The following CCNT1 variants were observed in gnomAD, a reference collection of about 807,000 sequenced individuals.
CCNT1 encodes the protein cyclin-T1.
A neutral mutation model predicts 67.3 loss-of-function variants in CCNT1; 18 were observed. The ratio of observed to expected loss-of-function variants is 0.27; its 90% confidence interval spans 0.18 to 0.40. The LOEUF (loss-of-function observed/expected upper bound fraction) is 0.40. CCNT1 is among the 10% of genes least tolerant of loss of function. The pLI is 1.00. For synonymous variants in CCNT1, 333 were observed against 310.3 expected (o/e 1.07, Z -0.77); for missense variants, 744 against 884.9 (o/e 0.84, Z 2.02).
rs1176141227 is a variant in CCNT1, at chr12:48,694,091, G to A, written c.1123C>T (p.Gln375Ter). Reference protein sequence around the residue: ...PQDGSNAFISQKQNSKSVPSA... With the variant: ...PQDGSNAFIS The stretch of plus-strand genomic sequence containing the variant: ...GGCACACTCTTACTATTCTGCTTCT[G>A]GGAAATAAATGCATTTGAACCATCC... Residue 375 changes from glutamine to a stop codon, truncating the protein, a stop_gained, in exon 9 of 9, where the codon CAG (glutamine) becomes TAG (stop). Transcript: ENST00000261900. LOFTEE classifies it high-confidence loss of function. The A allele has an allele frequency of 6.2e-7, 1 of 1,614,168 alleles. No individual in the cohort carries two copies. Among genetic ancestry groups the A allele is most frequent in the Non-Finnish European group, 8.5e-7 (1 of 1,180,010 alleles).
At chr12:48,712,271 A>T (rs1940463107) in intron 2 of CCNT1, among the ~76,000 whole-genome samples, 1 of 152,038 alleles carries the variant, frequency 6.6e-6, no homozygotes, top group South Asian at 2.1e-4. Context: ...CGAAATAAGC[A>T]TCCTCAAAAG....
chr12:48,701,998 G>GC (rs1940278671), intron 3 of CCNT1, among the ~76,000 whole-genome samples: 1 of 149,870 alleles, frequency 6.7e-6, no homozygotes, highest in African/African-American at 2.5e-5. Context: ...CCAGGTTCAA[G>GC]CGATTCTCCT....
chr12:48,696,176 G>T lies in CCNT1; in HGVS notation c.543-14C>A. On this transcript the variant is annotated splice_polypyrimidine_tract_variant and intron_variant, in intron 6 of 8. Transcript: ENST00000261900. The stretch of plus-strand genomic sequence containing the variant: ...GTCAAATGCAGGCTGACATCAGAGG[G>T]AAGAAAACAGAGAGTGTCATGAGCT... 1 of 1,524,566 alleles carries T rather than the reference G, an allele frequency of 6.6e-7. No individual in the cohort carries two copies. The highest frequency in any genetic ancestry group is 8.9e-7 in the Non-Finnish European group (1 of 1,126,496). The allele number at this position is 1,524,566 out of a possible 1,614,324, so 94.4% of individuals were successfully genotyped here.
Position 48,714,442 on chromosome 12 carries a change from C to T in CCNT1, c.243+1G>A. ...ATATCATATAAAAAAATTATACTTA[C>T]ATTTCCAGGGAACTGTGTGAAGGAC... On this transcript the variant is annotated splice_donor_variant, in intron 2 of 8. Transcript: ENST00000261900. LOFTEE classifies it high-confidence loss of function. 1 of 1,568,562 alleles carries T rather than the reference C, an allele frequency of 6.4e-7. No homozygotes were observed. The highest frequency in any genetic ancestry group is 8.8e-7 in the Non-Finnish European group (1 of 1,138,962).
intron 2 of CCNT1, among the ~76,000 whole-genome samples, chr12:48,707,365 C>T (rs1488365353): frequency 2.0e-5 from 3 of 151,244 alleles, no homozygotes; most frequent in African/African-American, 7.3e-5. Flanking sequence ...CACAGTTCCA[C>T]TCAACCTCCT....
chr12:48,709,935 AGCTGGAGTGCAACG>A (rs764622824), intron 2 of CCNT1, among the ~76,000 whole-genome samples: 2 of 151,576 alleles, frequency 1.3e-5, no homozygotes, highest in Non-Finnish European at 2.9e-5. Context: ...CTGTCACCCA[AGCTGGAGTGCAACG>A]GCACGATCTC....
At chr12:48,695,910 C>T in intron 7 of CCNT1, 81 bp from the exon 8 acceptor site, 1 of 1,515,756 alleles carries the variant, frequency 6.6e-7, no homozygotes, top group Admixed American at 1.7e-5. Flanking sequence ...TACTAACTAA[C>T]TATTTTCATC....
intron 3 of CCNT1, among the ~76,000 whole-genome samples, chr12:48,701,714 C>A (rs1390315186): frequency 6.6e-6 from 1 of 151,534 alleles, no homozygotes; most frequent in Non-Finnish European, 1.5e-5. Flanking sequence ...TCAAACAATT[C>A]TCCTGCCTCA....
In CCNT1 at chr12:48,690,210, C is replaced by A. The variant is rs761316939; in HGVS notation, c.*2823G>T. On this transcript the variant is annotated 3_prime_UTR_variant, in exon 9 of 9. Transcript: ENST00000261900. ...CCACAGGTATTTGTTTTTGCCAACA[C>A]GAGTCTAGCAAAATTTTAGGAATGA... 2.0e-5 allele frequency: 3 copies of A among 152,170 alleles called. No homozygotes were observed. Among genetic ancestry groups the A allele is most frequent in the Admixed American group, 2.0e-4 (3 of 15,280 alleles). 9.4% of individuals were successfully genotyped at this position (152,170 alleles called of 1,614,324 possible). A position where few individuals can be genotyped will look rare whatever the true frequency, so the allele number is the denominator to read the frequency against.
rs1232737818 is a variant in CCNT1, at chr12:48,714,532, G to A, written c.162-8C>T. On this transcript the variant is annotated splice_region_variant and splice_polypyrimidine_tract_variant and intron_variant, in intron 1 of 8. Coordinates refer to ENST00000261900, the MANE Select transcript of CCNT1 (RefSeq NM_001240.4). ...TTGATAGTCAATTGTGAGCTGAAGT[G>A]TTCAAGTTAAGATCCAAAAACAGGC... is the stretch of plus-strand genomic sequence containing the variant. 1 of 1,591,784 alleles carries A rather than the reference G, an allele frequency of 6.3e-7. No homozygotes were observed. Among genetic ancestry groups the A allele is most frequent in the South Asian group, 1.1e-5 (1 of 90,586 alleles).
chr12:48,697,469 G>A (rs1940187679), intron 6 of CCNT1, among the ~76,000 whole-genome samples: 1 of 148,686 alleles, frequency 6.7e-6, no homozygotes, highest in African/African-American at 2.5e-5. Context: ...GTTGCAGTGA[G>A]CCAAGATCGC....
chr12:48,693,279 C>T lies in CCNT1; in HGVS notation c.1935G>A (p.Gly645=), dbSNP rs1940108943. The T allele has an allele frequency of 6.2e-7, 1 of 1,614,156 alleles. No individual in the cohort carries two copies. The highest frequency in any genetic ancestry group is 1.3e-5 in the African/African-American group (1 of 75,054). The change falls in exon 9 of 9, where the codon GGG becomes GGA. Residue 645 remains glycine (G), a synonymous_variant. Transcript: ENST00000261900. The part of the protein sequence containing the change: ...PHSKLDKGPT[G]ANGHNTTQTI... ...TCTGGGTCGTGTTGTGACCATTGGCCCCAGTGGGCCCTTTATCCAGTTTCG... is the reference window on the plus strand; with the variant it reads ...TCTGGGTCGTGTTGTGACCATTGGCTCCAGTGGGCCCTTTATCCAGTTTCG...
intron 3 of CCNT1, among the ~76,000 whole-genome samples, chr12:48,705,017 G>A (rs1940333245): frequency 6.6e-6 from 1 of 152,112 alleles, no homozygotes. Context: ...GCCAAAAAAG[G>A]TCTGGGACCA....
Position 48,701,076 on chromosome 12 carries a change from A to G in CCNT1, c.373-3T>C, listed in dbSNP as rs1333549591. The G allele has an allele frequency of 1.3e-6, 2 of 1,572,018 alleles. No individual in the cohort carries two copies. The highest frequency in any genetic ancestry group is 4.5e-5 in the East Asian group (2 of 44,208). On this transcript the variant is annotated splice_polypyrimidine_tract_variant and splice_region_variant and intron_variant, in intron 3 of 8. Transcript: ENST00000261900. ...TCTTGAACTTGTTGCAAATAAGCCTAAAAGTGAGAAGACAGAAATTATTCC... is the reference window on the plus strand; with the variant it reads ...TCTTGAACTTGTTGCAAATAAGCCTGAAAGTGAGAAGACAGAAATTATTCC...
At chr12:48,707,273 A>G (rs1243270198) in intron 2 of CCNT1, among the ~76,000 whole-genome samples, 1 of 151,406 alleles carries the variant, frequency 6.6e-6, no homozygotes, top group East Asian at 1.9e-4. Flanking sequence ...GTGGAACACT[A>G]GATTTTTTTT....
At position 48,702,788 on chromosome 12, in the gene CCNT1, G is replaced by A. The variant is rs554272737; in HGVS notation, c.373-1715C>T. Among the ~76,000 whole-genome samples the A allele has an allele frequency of 4.6e-5, 7 of 152,098 alleles. No individual in the cohort carries two copies. The East Asian group carries it at 1.2e-3, about 25-fold the overall frequency. On this transcript the variant is annotated intron_variant, in intron 3 of 8. Coordinates refer to ENST00000261900, the MANE Select transcript of CCNT1 (RefSeq NM_001240.4). ...GCTGAGATCGCACCACGGCACTCCG[G>A]CCTGGGTGACAGAGCGAGACTCCAT... is the stretch of plus-strand genomic sequence containing the variant.
chr12:48,703,845 G>C (rs1940311711), intron 3 of CCNT1, among the ~76,000 whole-genome samples: 1 of 151,468 alleles, frequency 6.6e-6, no homozygotes, highest in Non-Finnish European at 1.5e-5. Context: ...GGGGATCACT[G>C]AGCCCGGAAG....
chr12:48,711,249 G>A lies in CCNT1; in HGVS notation c.243+3194C>T, dbSNP rs144681218. ...ACAAAAATTAGCTGGGTGTGGTGGC[G>A]GGTGCCTGTAGTCCCAGCTACTTGG... On this transcript the variant is annotated intron_variant, in intron 2 of 8. Coordinates refer to ENST00000261900, the MANE Select transcript of CCNT1 (RefSeq NM_001240.4). 2.1e-3 allele frequency among the ~76,000 whole-genome samples: 310 copies of A among 150,966 alleles called. 18 individuals carry two copies. In the East Asian group the frequency reaches 0.056, roughly 27 times the overall value.
chr12:48,712,086 C>T (rs1385192277), intron 2 of CCNT1, among the ~76,000 whole-genome samples: 1 of 152,120 alleles, frequency 6.6e-6, no homozygotes, highest in Non-Finnish European at 1.5e-5. Context: ...TGAGCCACGG[C>T]ACCTGGCCCA....
Sources: gnomAD v4.1 joint callset for allele counts (sites outside exome capture counted in the v4.1 genomes callset) on GRCh38, gnomAD v4.1.1 for gene constraint, MANE v1.5 for transcripts, NCBI Gene and HGNC (gene_info 2026-07-23, HGNC 2026-07-21) for gene names.